The following CSMD1 variants were observed in gnomAD, a reference collection of about 807,000 sequenced individuals.
CSMD1 encodes CUB and Sushi multiple domains 1.
A neutral mutation model predicts 417.5 loss-of-function variants in CSMD1; 213 were observed. The observed-to-expected ratio is 0.51, with a 90% CI of 0.46 to 0.57. CSMD1 has a LOEUF of 0.57. CSMD1 is among the 20% of genes least tolerant of loss of function. The probability of loss-of-function intolerance (pLI) is 0.00; values close to 1 mark genes in which losing one functional copy is unlikely to be tolerated. For missense variants in CSMD1, 6,923 were observed against 4,529.7 expected (o/e 1.53, Z -15.17); for synonymous variants, 2,862 against 1,736.8 (o/e 1.65, Z -16.11).
chr8:3,339,392 A>AG (rs1356971649), intron 23 of CSMD1, among the ~76,000 whole-genome samples: 1 of 152,094 alleles, frequency 6.6e-6, no homozygotes, highest in Admixed American at 6.5e-5. Flanking sequence ...AGCCAAGGGT[A>AG]GGGGGGTTGC....
At chr8:4,267,418 A>G (rs1243428247) in intron 3 of CSMD1, among the ~76,000 whole-genome samples, 5 of 146,736 alleles carry the variant, frequency 3.4e-5, no homozygotes, top group East Asian at 2.0e-4. Context: ...GAAGAAAATG[A>G]TAAGCTTCTA....
chr8:3,762,688 G>A (rs185508700), intron 5 of CSMD1, among the ~76,000 whole-genome samples: 7 of 152,308 alleles, frequency 4.6e-5, no homozygotes, highest in Non-Finnish European at 1.0e-4. Flanking sequence ...CAGAGAAAGA[G>A]AGAGAGCCAA....
intron 1 of CSMD1, among the ~76,000 whole-genome samples, chr8:4,912,356 C>T (rs1805747801): frequency 2.4e-5 from 1 of 42,066 alleles, no homozygotes; most frequent in Non-Finnish European, 4.9e-5. Context: ...AAATCATTTT[C>T]TGCTTTTTTT....
chr8:2,965,677 C>CT, intron 59 of CSMD1, 98 bp downstream of exon 59: 1 of 1,025,680 alleles, frequency 9.7e-7, no homozygotes, highest in Non-Finnish European at 1.4e-6. Flanking sequence ...TTCCTAGCCC[C>CT]TAGAAGGGCT....
intron 3 of CSMD1, among the ~76,000 whole-genome samples, chr8:4,257,220 G>C (rs1460256613): frequency 6.6e-6 from 1 of 152,042 alleles, no homozygotes; most frequent in Non-Finnish European, 1.5e-5. Context: ...TTTATTGAAA[G>C]AGACTAATAC....
intron 10 of CSMD1, among the ~76,000 whole-genome samples, chr8:3,554,293 G>A (rs1330810944): frequency 2.0e-5 from 3 of 152,190 alleles, no homozygotes; most frequent in Non-Finnish European, 4.4e-5. Flanking sequence ...ATCTTAAATG[G>A]GTCCAGACCA....
intron 3 of CSMD1, among the ~76,000 whole-genome samples, chr8:4,062,763 C>G (rs750221739): frequency 9.9e-5 from 15 of 151,674 alleles, no homozygotes; most frequent in African/African-American, 3.4e-4. Context: ...GTTCTGCATG[C>G]TCAGTAAAAT....
intron 4 of CSMD1, among the ~76,000 whole-genome samples, chr8:4,014,681 C>G (rs181186744): frequency 6.5e-4 from 99 of 152,322 alleles, no homozygotes; most frequent in Admixed American, 1.9e-3. Context: ...GCTGTGCCAA[C>G]TTGTGATGAG....
chr8:3,952,917 C>A (rs936007499), intron 5 of CSMD1, among the ~76,000 whole-genome samples: 2 of 152,064 alleles, frequency 1.3e-5, no homozygotes, highest in African/African-American at 2.4e-5. Context: ...GTATTGAGTG[C>A]AATTTATGTC....
At chr8:3,065,537 T>C (rs930143487) in intron 49 of CSMD1, among the ~76,000 whole-genome samples, 2 of 151,880 alleles carry the variant, frequency 1.3e-5, no homozygotes, top group Admixed American at 6.6e-5. Context: ...GATACACAGA[T>C]GGATAGTTAT....
intron 3 of CSMD1, among the ~76,000 whole-genome samples, chr8:4,108,638 T>A (rs968370318): frequency 6.6e-6 from 1 of 152,226 alleles, no homozygotes; most frequent in Non-Finnish European, 1.5e-5. Flanking sequence ...GAAGAGCCTT[T>A]TGAAATGCCA....
intron 2 of CSMD1, among the ~76,000 whole-genome samples, chr8:4,502,347 T>C (rs749246987): frequency 1.9e-4 from 29 of 152,148 alleles, no homozygotes; most frequent in Admixed American, 3.9e-4. Flanking sequence ...ATGGCAATTC[T>C]ATAAAGTCCC....
Position 3,189,893 on chromosome 8 carries a change from G to T in CSMD1, c.5398+19C>A, listed in dbSNP as rs372021839. ...CACCACAGAGTTCTGGCGGGCAGCCGCTTAGGGACACTGCTCACCCACACA... is the reference window on the plus strand; with the variant it reads ...CACCACAGAGTTCTGGCGGGCAGCCTCTTAGGGACACTGCTCACCCACACA... On this transcript the variant is annotated intron_variant, in intron 34 of 69. Coordinates refer to ENST00000635120, the MANE Select transcript of CSMD1 (RefSeq NM_033225.6). 23 of 1,555,806 alleles carry T rather than the reference G, an allele frequency of 1.5e-5. No individual in the cohort carries two copies. Among genetic ancestry groups the T allele is most frequent in the African/African-American group, 2.7e-5 (2 of 73,456 alleles).
chr8:3,517,021 C>T (rs1012299019), intron 10 of CSMD1, among the ~76,000 whole-genome samples: 1 of 152,120 alleles, frequency 6.6e-6, no homozygotes, highest in East Asian at 1.9e-4. Context: ...TCATGGTGAG[C>T]AAAGGAGCTG....
chr8:4,353,841 C>T lies in CSMD1; in HGVS notation c.415+66112G>A, dbSNP rs569426542. Among the ~76,000 whole-genome samples, 9 of 152,224 alleles carry T rather than the reference C, an allele frequency of 5.9e-5. No individual in the cohort carries two copies. The South Asian group carries it at 6.2e-4, about 11-fold the overall frequency. ...CAGTGTTCTTCTCTCCTCAGTGACC[C>T]GCACTTAATTATGGCTCATCTGGTT... is the stretch of plus-strand genomic sequence containing the variant. On this transcript the variant is annotated intron_variant, in intron 3 of 69. Coordinates refer to ENST00000635120, the MANE Select transcript of CSMD1 (RefSeq NM_033225.6).
intron 3 of CSMD1, among the ~76,000 whole-genome samples, chr8:4,119,137 G>C (rs1231119698): frequency 1.3e-5 from 2 of 152,118 alleles, no homozygotes; most frequent in African/African-American, 4.8e-5. Flanking sequence ...CGTACCTAAT[G>C]CATGTCGGGC....
At chr8:3,084,495 C>G (rs2013248) in intron 49 of CSMD1, among the ~76,000 whole-genome samples, 73,779 of 145,774 alleles carry the variant, frequency 0.51, 19,004 homozygotes, top group Non-Finnish European at 0.54. Context: ...TTGTACTCTA[C>G]CCTGGGCAAC....
intron 1 of CSMD1, among the ~76,000 whole-genome samples, chr8:4,832,328 G>A (rs755442182): frequency 2.6e-5 from 4 of 152,130 alleles, no homozygotes; most frequent in African/African-American, 9.7e-5. Flanking sequence ...AGATTCTTAC[G>A]GAGATGCAAT....
chr8:3,976,408 TA>T (rs1802015711), intron 5 of CSMD1, among the ~76,000 whole-genome samples: 1 of 152,200 alleles, frequency 6.6e-6, no homozygotes, highest in African/African-American at 2.4e-5. Context: ...CTTCTTCTAC[TA>T]GCATGAGCTT....
Sources: allele counts gnomAD v4.1 joint callset (sites outside exome capture counted in the v4.1 genomes callset), GRCh38; gene constraint gnomAD v4.1.1; transcripts MANE v1.5; gene names NCBI Gene and HGNC (gene_info 2026-07-23, HGNC 2026-07-21).